ATF6: variants seen among roughly 807,000 people sequenced by gnomAD.
ATF6 encodes cyclic AMP-dependent transcription factor ATF-6 alpha.
ATF6 carries 53 observed loss-of-function variants against 83.6 expected under a neutral mutation model. The observed-to-expected ratio is 0.63, with a 90% CI of 0.51 to 0.80. The LOEUF (loss-of-function observed/expected upper bound fraction) is 0.80. Ranked by LOEUF, ATF6 falls within the 30% of genes least tolerant of loss-of-function variation. The pLI is 0.00. For missense variants in ATF6, 744 were observed against 797.9 expected (o/e 0.93, Z 0.81); for synonymous variants, 288 against 285.8 (o/e 1.01, Z -0.08).
At chr1:161,798,500 T>A (rs1685071771) in intron 6 of ATF6, among the ~76,000 whole-genome samples, 1 of 152,112 alleles carries the variant, frequency 6.6e-6, no homozygotes. Context: ...TAATCCCAGT[T>A]ACTTGGGAGG....
chr1:161,930,910 G>A (rs1688419227), intron 15 of ATF6, among the ~76,000 whole-genome samples: 1 of 148,878 alleles, frequency 6.7e-6, no homozygotes, highest in Admixed American at 6.6e-5. Flanking sequence ...TTTTTCCCCT[G>A]GGGACATAGT....
intron 4 of ATF6, among the ~76,000 whole-genome samples, chr1:161,791,080 G>GTGTGTGTGTT (rs1684865472): frequency 1.2e-5 from 1 of 82,832 alleles, no homozygotes; most frequent in East Asian, 4.5e-4. Flanking sequence ...GTGTGTGTGT[G>GTGTGTGTGTT]TGTCTCTGTG....
intron 14 of ATF6, among the ~76,000 whole-genome samples, chr1:161,892,698 G>A (rs901863347): frequency 4.7e-5 from 7 of 149,218 alleles, no homozygotes; most frequent in Admixed American, 2.7e-4. Flanking sequence ...GTGCAGTGGC[G>A]TGATCTCAGC....
intron 9 of ATF6, among the ~76,000 whole-genome samples, chr1:161,844,057 A>T (rs1571182464): frequency 6.6e-6 from 1 of 152,356 alleles, no homozygotes; most frequent in Middle Eastern, 3.4e-3. Flanking sequence ...ACTGGGCTCA[A>T]TATAAATAGA....
At chr1:161,860,123 TTAAG>T in intron 12 of ATF6, 80 bp from the exon 13 acceptor site, 1 of 850,930 alleles carries the variant, frequency 1.2e-6, no homozygotes, top group Non-Finnish European at 1.7e-6. Flanking sequence ...TTTAACAAAT[TTAAG>T]TATAGAATGA....
At chr1:161,831,944 T>TAAAAAAAAAAAA (rs574016070) in intron 9 of ATF6, among the ~76,000 whole-genome samples, 2 of 130,534 alleles carry the variant, frequency 1.5e-5, no homozygotes, top group Admixed American at 7.6e-5. Context: ...TAAAGTATAA[T>TAAAAAAAAAAAA]AAAAAAAAAA....
At chr1:161,888,551 T>C (rs1230805089) in intron 14 of ATF6, among the ~76,000 whole-genome samples, 1 of 151,314 alleles carries the variant, frequency 6.6e-6, no homozygotes, top group Non-Finnish European at 1.5e-5. Context: ...TTCCCCAGGT[T>C]AAAAAAAAAG....
At chr1:161,811,712 T>C (rs1457353050) in intron 7 of ATF6, among the ~76,000 whole-genome samples, 1 of 151,056 alleles carries the variant, frequency 6.6e-6, no homozygotes, top group East Asian at 1.9e-4. Context: ...CATCCATCCA[T>C]CCACTATCCA....
intron 8 of ATF6, among the ~76,000 whole-genome samples, chr1:161,820,177 A>G (rs1685718568): frequency 6.6e-6 from 1 of 152,122 alleles, no homozygotes; most frequent in Non-Finnish European, 1.5e-5. Flanking sequence ...TTCTCAGTCC[A>G]CCTAACAACT....
Position 161,947,461 on chromosome 1 carries a change from A to G in ATF6, c.1805-10985A>G, listed in dbSNP as rs575498413. 2.6e-5 allele frequency among the ~76,000 whole-genome samples: 4 copies of G among 152,350 alleles called. No individual in the cohort carries two copies. The South Asian group carries it at 8.3e-4, about 32-fold the overall frequency. On this transcript the variant is annotated intron_variant, in intron 15 of 15. Coordinates refer to ENST00000367942, the MANE Select transcript of ATF6 (RefSeq NM_007348.4). ...TCTGTAAGGACAGAGAGGGAAGCCCAGGGTCAGGCCCATTTGAGCAGGGGG... is the reference window on the plus strand; with the variant it reads ...TCTGTAAGGACAGAGAGGGAAGCCCGGGGTCAGGCCCATTTGAGCAGGGGG...
At chr1:161,812,695 A>G (rs1386607968) in intron 7 of ATF6, among the ~76,000 whole-genome samples, 1 of 151,816 alleles carries the variant, frequency 6.6e-6, no homozygotes, top group African/African-American at 2.4e-5. Flanking sequence ...CCCGGCCAGG[A>G]GCAGGTATTT....
Position 161,887,323 on chromosome 1 carries a change from G to A in ATF6, c.1719+24011G>A, listed in dbSNP as rs563144973. 5.3e-5 allele frequency among the ~76,000 whole-genome samples: 8 copies of A among 151,830 alleles called. No homozygotes were observed. In the South Asian group the frequency reaches 1.5e-3, roughly 28 times the overall value. Reference sequence around the variant, plus strand: ...TCGAGCTCCTGACCTCAACTGATCCGCCTGCCTTGGCCTCCTAAAGTGCTG... The same window carrying A: ...TCGAGCTCCTGACCTCAACTGATCCACCTGCCTTGGCCTCCTAAAGTGCTG... On this transcript the variant is annotated intron_variant, in intron 14 of 15. Coordinates refer to ENST00000367942, the MANE Select transcript of ATF6 (RefSeq NM_007348.4).
chr1:161,805,491 T>C (rs1685256721), intron 7 of ATF6, among the ~76,000 whole-genome samples: 1 of 152,134 alleles, frequency 6.6e-6, no homozygotes, highest in South Asian at 2.1e-4. Flanking sequence ...TATGAGTTTT[T>C]TTGGTAGAAA....
chr1:161,861,829 G>A (rs528953531), intron 13 of ATF6, among the ~76,000 whole-genome samples: 4 of 152,176 alleles, frequency 2.6e-5, no homozygotes, highest in Admixed American at 6.5e-5. Flanking sequence ...GCTTTTTGTT[G>A]GTAATTTTGC....
intron 14 of ATF6, among the ~76,000 whole-genome samples, chr1:161,892,510 G>A (rs1687576444): frequency 6.6e-6 from 1 of 151,838 alleles, no homozygotes; most frequent in Admixed American, 6.6e-5. Context: ...AATCCATCAA[G>A]CTGTGTATCC....
At chr1:161,883,334 A>T (rs1427790786) in intron 14 of ATF6, among the ~76,000 whole-genome samples, 17 of 152,028 alleles carry the variant, frequency 1.1e-4, no homozygotes, top group Non-Finnish European at 1.9e-4. Context: ...CTTTAGCAAA[A>T]GTGACTTTTG....
chr1:161,813,283 T>A (rs904994667), intron 7 of ATF6, among the ~76,000 whole-genome samples: 1 of 152,194 alleles, frequency 6.6e-6, no homozygotes, highest in Non-Finnish European at 1.5e-5. Flanking sequence ...CTTATTTGAA[T>A]AATTTGGTGG....
chr1:161,885,745 C>G (rs1264535246), intron 14 of ATF6, among the ~76,000 whole-genome samples: 2 of 152,036 alleles, frequency 1.3e-5, no homozygotes, highest in Non-Finnish European at 2.9e-5. Flanking sequence ...CTTACTGTTA[C>G]CAGGCACTGT....
At chr1:161,882,536 A>G (rs978555526) in intron 14 of ATF6, among the ~76,000 whole-genome samples, 1 of 152,118 alleles carries the variant, frequency 6.6e-6, no homozygotes, top group Admixed American at 6.5e-5. Flanking sequence ...ATGTATACAC[A>G]TATACATACT....
Sources: gnomAD v4.1 joint callset for allele counts (sites outside exome capture counted in the v4.1 genomes callset) on GRCh38, gnomAD v4.1.1 for gene constraint, MANE v1.5 for transcripts, NCBI Gene and HGNC (gene_info 2026-07-23, HGNC 2026-07-21) for gene names.